Variants in SLC25A13 observed in about 807,000 individuals in gnomAD.
SLC25A13 encodes electrogenic aspartate/glutamate antiporter SLC25A13, mitochondrial.
Under a neutral mutation model 85.5 loss-of-function variants are expected in SLC25A13, and 70 were observed. That is an observed-to-expected ratio of 0.82 (90% CI 0.68 to 1.00). SLC25A13 has a LOEUF of 1.00. Among genes scored for constraint, SLC25A13 ranks in the 50% least tolerant of loss-of-function variants. The pLI is 0.00. For missense variants in SLC25A13, 765 were observed against 819.8 expected (o/e 0.93, Z 0.82); for synonymous variants, 259 against 288.7 (o/e 0.90, Z 1.04).
intron 15 of SLC25A13, among the ~76,000 whole-genome samples, chr7:96,124,535 G>A (rs563020872): frequency 7.2e-5 from 11 of 152,224 alleles, no homozygotes; most frequent in South Asian, 4.2e-4. Context: ...GCTTCTGAAC[G>A]CTATTTAAAA....
intron 11 of SLC25A13, among the ~76,000 whole-genome samples, chr7:96,175,756 G>A (rs1276505398): frequency 1.3e-5 from 2 of 152,226 alleles, no homozygotes; most frequent in African/African-American, 4.8e-5. Context: ...GCAGGTGAAG[G>A]ATAGTTTGCA....
intron 3 of SLC25A13, among the ~76,000 whole-genome samples, chr7:96,275,724 T>C (rs1194381116): frequency 6.7e-6 from 1 of 148,666 alleles, no homozygotes; most frequent in African/African-American, 2.5e-5. Context: ...CATCACACAC[T>C]GGGGCTTGTT....
chr7:96,269,716 G>C (rs1798161049), intron 3 of SLC25A13, among the ~76,000 whole-genome samples: 1 of 152,176 alleles, frequency 6.6e-6, no homozygotes. Flanking sequence ...CAACTCAAGT[G>C]CCCATTACAG....
intron 3 of SLC25A13, among the ~76,000 whole-genome samples, chr7:96,260,864 A>C (rs1797827507): frequency 6.6e-6 from 1 of 152,172 alleles, no homozygotes; most frequent in African/African-American, 2.4e-5. Flanking sequence ...TCAGCCAGGC[A>C]AAACCTTTCA....
chr7:96,193,801 C>T (rs188243353), intron 5 of SLC25A13, among the ~76,000 whole-genome samples: 84 of 152,266 alleles, frequency 5.5e-4, no homozygotes, highest in African/African-American at 1.9e-3. Flanking sequence ...AAGGTCATAA[C>T]AATCAAAAAT....
At chr7:96,171,644 T>C (rs767596108) in intron 11 of SLC25A13, 120 bp from the exon 12 acceptor site, 489 of 810,214 alleles carry the variant, frequency 6.0e-4, no homozygotes, top group Non-Finnish European at 4.4e-4. Context: ...AATTTTCTGC[T>C]ATTACCCTTA....
chr7:96,261,211 CCATAG>C (rs1193556684), intron 3 of SLC25A13, among the ~76,000 whole-genome samples: 1 of 152,140 alleles, frequency 6.6e-6, no homozygotes, highest in Admixed American at 6.6e-5. Context: ...ACTTTATCGA[CCATAG>C]CACTTTAATA....
At chr7:96,314,820 G>A (rs1027992074) in intron 1 of SLC25A13, among the ~76,000 whole-genome samples, 3 of 152,140 alleles carry the variant, frequency 2.0e-5, no homozygotes, top group African/African-American at 7.2e-5. Context: ...AAAAAGACCT[G>A]CTCCCTGACT....
chr7:96,195,594 C>T (rs1795029440), intron 5 of SLC25A13, among the ~76,000 whole-genome samples: 1 of 152,120 alleles, frequency 6.6e-6, no homozygotes, highest in African/African-American at 2.4e-5. Flanking sequence ...CTCCAATGAC[C>T]CTTCATCATA....
At chr7:96,223,048 C>G (rs922267475) in intron 4 of SLC25A13, among the ~76,000 whole-genome samples, 1 of 152,032 alleles carries the variant, frequency 6.6e-6, no homozygotes, top group African/African-American at 2.4e-5. Context: ...GCTCACTGAC[C>G]TCTGTGAGAT....
chr7:96,264,800 C>T (rs1318751365), intron 3 of SLC25A13, among the ~76,000 whole-genome samples: 1 of 152,038 alleles, frequency 6.6e-6, no homozygotes, highest in East Asian at 1.9e-4. Context: ...CCTCCCGCCT[C>T]AGCCTCCCAA....
chr7:96,295,779 C>T (rs1210173578), intron 2 of SLC25A13, among the ~76,000 whole-genome samples: 1 of 151,900 alleles, frequency 6.6e-6, no homozygotes, highest in Non-Finnish European at 1.5e-5. Flanking sequence ...CCCTGGTCCT[C>T]TTTCCATACA....
chr7:96,306,298 A>C (rs1297304914), intron 1 of SLC25A13, among the ~76,000 whole-genome samples: 2 of 152,270 alleles, frequency 1.3e-5, no homozygotes, highest in Non-Finnish European at 2.9e-5. Flanking sequence ...ATTTCTGAGC[A>C]TCCCCCAGTC....
intron 3 of SLC25A13, among the ~76,000 whole-genome samples, chr7:96,244,773 G>T (rs73710251): frequency 3.2e-4 from 49 of 152,228 alleles, no homozygotes; most frequent in Non-Finnish European, 5.7e-4. Flanking sequence ...TTTGCCAAGG[G>T]CCTATTTAAA....
chr7:96,260,163 C>T (rs1797799237), intron 3 of SLC25A13, among the ~76,000 whole-genome samples: 1 of 151,874 alleles, frequency 6.6e-6, no homozygotes, highest in Admixed American at 6.6e-5. Flanking sequence ...TGTAATAAAC[C>T]TGCACGTTCT....
intron 3 of SLC25A13, 123 bp downstream of exon 3, chr7:96,277,073 T>C: frequency 1.1e-6 from 1 of 884,768 alleles, no homozygotes. Flanking sequence ...ATAATAGTAG[T>C]AAGTACAGAA....
chr7:96,189,257 G>T, intron 9 of SLC25A13, 37 bp downstream of exon 9: 1 of 1,593,140 alleles, frequency 6.3e-7, no homozygotes, highest in Non-Finnish European at 8.6e-7. Flanking sequence ...TCCTGCTAAG[G>T]AAACCCCAGA....
Position 96,193,805 on chromosome 7 carries a change from C to A in SLC25A13, c.469-622G>T, listed in dbSNP as rs577650547. ...CCCTTCCCTCTAAGGTCATAACAAT[C>A]AAAAATGTCTCTGCATAGAGCCATA... is the stretch of plus-strand genomic sequence containing the variant. On this transcript the variant is annotated intron_variant, in intron 5 of 17. Coordinates refer to ENST00000265631, the MANE Select transcript of SLC25A13 (RefSeq NM_014251.3). Among the ~76,000 whole-genome samples, 13 of 152,296 alleles carry A rather than the reference C, an allele frequency of 8.5e-5. No homozygotes were observed. In the South Asian group the frequency reaches 2.3e-3, roughly 27 times the overall value.
intron 4 of SLC25A13, among the ~76,000 whole-genome samples, chr7:96,223,117 A>G (rs1417520368): frequency 6.6e-6 from 1 of 152,200 alleles, no homozygotes; most frequent in Admixed American, 6.5e-5. Context: ...TAGACGAAAT[A>G]TTACAAACAA....
Sources: allele counts gnomAD v4.1 joint callset (sites outside exome capture counted in the v4.1 genomes callset), GRCh38; gene constraint gnomAD v4.1.1; transcripts MANE v1.5; gene names NCBI Gene and HGNC (gene_info 2026-07-23, HGNC 2026-07-21).